POU2F1: variants seen among roughly 807,000 people sequenced by gnomAD.
POU2F1 encodes POU domain, class 2, transcription factor 1.
A neutral mutation model predicts 84.9 loss-of-function variants in POU2F1; 16 were observed. The ratio of observed to expected loss-of-function variants is 0.19; its 90% CI spans 0.13 to 0.29. POU2F1 has a LOEUF of 0.29. Ranked by LOEUF, POU2F1 falls within the 10% of genes least tolerant of loss-of-function variation. POU2F1 has a pLI of 1.00. For missense variants in POU2F1, 738 were observed against 942.6 expected (o/e 0.78, Z 2.84); for synonymous variants, 368 against 368.3 (o/e 1.00, Z 0.01).
chr1:167,237,764 ATATATATATTTTTTTTTTT>A (rs1351038580), intron 1 of POU2F1, among the ~76,000 whole-genome samples: 431 of 16,294 alleles, frequency 0.026, 4 homozygotes, highest in African/African-American at 0.063. Flanking sequence ...ATATATATAT[ATATATATATTTTTTTTTTT>A]TTTTTTTTTT....
intron 1 of POU2F1, among the ~76,000 whole-genome samples, chr1:167,224,918 T>C (rs1430815210): frequency 1.3e-5 from 2 of 148,400 alleles, no homozygotes; most frequent in Non-Finnish European, 3.0e-5. Flanking sequence ...AACCTCTGCC[T>C]CGTGGGTTCC....
chr1:167,386,307 G>T (rs929869431), intron 8 of POU2F1, among the ~76,000 whole-genome samples: 4 of 152,142 alleles, frequency 2.6e-5, no homozygotes, highest in Non-Finnish European at 4.4e-5. Context: ...CAATCCTCCC[G>T]CATCAGCCTC....
At position 167,262,697 on chromosome 1, in the gene POU2F1, G is replaced by C. The variant is rs76157487; in HGVS notation, c.61+41739G>C. Among the ~76,000 whole-genome samples, 579 of 152,268 alleles carry C rather than the reference G, an allele frequency of 3.8e-3. 3 individuals are homozygous for C. The highest frequency in any genetic ancestry group is 0.013 in the African/African-American group (557 of 41,548). ...TGGGGATGGATTTTGTACTTGAGGT[G>C]GGTTGAAGAAAGATGCTTAGAGTGG... On this transcript the variant is annotated intron_variant, in intron 1 of 15. Transcript: ENST00000367866.
chr1:167,303,692 T>C (rs1265490216), intron 1 of POU2F1: 3 of 152,178 alleles, frequency 2.0e-5, no homozygotes, highest in Admixed American at 6.5e-5. Context: ...CAAATATATA[T>C]TTTTCTATTT....
chr1:167,305,528 A>G lies in POU2F1; in HGVS notation c.62-26942A>G, dbSNP rs77642353. ...TGTGATATTTAAAATACCTCTTTTA[A>G]TAGCTCATATCATGTAACCGTTTAT... On this transcript the variant is annotated intron_variant, in intron 1 of 15. Coordinates refer to ENST00000367866, the MANE Select transcript of POU2F1 (RefSeq NM_002697.4). Among the ~76,000 whole-genome samples, 7 of 152,320 alleles carry G rather than the reference A, an allele frequency of 4.6e-5. No individual in the cohort carries two copies. In the East Asian group the frequency reaches 1.2e-3, roughly 25 times the overall value.
At position 167,227,542 on chromosome 1, in the gene POU2F1, G is replaced by A. The variant is rs969493890; in HGVS notation, c.61+6584G>A. ...GTGACTTAGGTGTTTTCTTGTTTTA[G>A]TACACTTATTTTAGTGGTCTGCTTA... On this transcript the variant is annotated intron_variant, in intron 1 of 15. Coordinates refer to ENST00000367866, the MANE Select transcript of POU2F1 (RefSeq NM_002697.4). Among the ~76,000 whole-genome samples the A allele has an allele frequency of 2.6e-5, 4 of 152,098 alleles. No homozygotes were observed. The South Asian group carries it at 8.3e-4, about 31-fold the overall frequency.
intron 13 of POU2F1, among the ~76,000 whole-genome samples, chr1:167,402,546 G>A (rs1649285853): frequency 6.6e-6 from 1 of 152,092 alleles, no homozygotes; most frequent in African/African-American, 2.4e-5. Context: ...ACCTTTTTAA[G>A]AATTTGAAAG....
At chr1:167,224,947 G>C (rs1192962595) in intron 1 of POU2F1, among the ~76,000 whole-genome samples, 1 of 150,830 alleles carries the variant, frequency 6.6e-6, no homozygotes, top group African/African-American at 2.4e-5. Context: ...TCCTGCCTCA[G>C]CCTCCTTAGT....
chr1:167,294,172 C>CAAAAAAA (rs60846607), intron 1 of POU2F1, among the ~76,000 whole-genome samples: 29 of 30,958 alleles, frequency 9.4e-4, no homozygotes, highest in Non-Finnish European at 9.9e-4. Context: ...TACTAAAATA[C>CAAAAAAA]AAAAAAAAAA....
At chr1:167,333,128 TA>T (rs1213002746) in intron 2 of POU2F1, among the ~76,000 whole-genome samples, 1 of 152,128 alleles carries the variant, frequency 6.6e-6, no homozygotes, top group Admixed American at 6.5e-5. Context: ...TTTGGTAATT[TA>T]AAAAAATTAT....
At chr1:167,318,676 A>G (rs1656093769) in intron 1 of POU2F1, among the ~76,000 whole-genome samples, 1 of 152,158 alleles carries the variant, frequency 6.6e-6, no homozygotes, top group Non-Finnish European at 1.5e-5. Context: ...ATTGATAGCG[A>G]GGGGGTAGGC....
At chr1:167,408,019 C>T (rs1649702898) in intron 13 of POU2F1, among the ~76,000 whole-genome samples, 1 of 152,196 alleles carries the variant, frequency 6.6e-6, no homozygotes. Flanking sequence ...ATAAACAACT[C>T]TTACAACTCA....
At chr1:167,390,411 A>G (rs1648315828) in intron 9 of POU2F1, among the ~76,000 whole-genome samples, 1 of 152,198 alleles carries the variant, frequency 6.6e-6, no homozygotes, top group Non-Finnish European at 1.5e-5. Flanking sequence ...TCAGTACTTC[A>G]TATGTAAGAT....
chr1:167,310,945 G>A (rs994935743), intron 1 of POU2F1, among the ~76,000 whole-genome samples: 5 of 152,116 alleles, frequency 3.3e-5, no homozygotes, highest in African/African-American at 1.2e-4. Context: ...TACCCAATCT[G>A]AACAAGAAAG....
At chr1:167,250,166 C>G (rs749997202) in intron 1 of POU2F1, among the ~76,000 whole-genome samples, 60 of 151,536 alleles carry the variant, frequency 4.0e-4, no homozygotes, top group Non-Finnish European at 7.7e-4. Context: ...ACAATCTGTT[C>G]TGGCATTTTC....
At chr1:167,370,395 A>C (rs3736846) in intron 4 of POU2F1, among the ~76,000 whole-genome samples, 181 bp downstream of exon 4, 112,837 of 152,104 alleles carry the variant, frequency 0.74, 42,021 homozygotes, top group East Asian at 0.87. Flanking sequence ...GTTTTATATT[A>C]TGCTACTGTG....
chr1:167,336,021 GA>G (rs1484524007), intron 2 of POU2F1, among the ~76,000 whole-genome samples: 2 of 151,926 alleles, frequency 1.3e-5, no homozygotes, highest in African/African-American at 4.8e-5. Flanking sequence ...GAGAAATATT[GA>G]AAAAAATTAA....
chr1:167,322,801 A>G (rs1656416057), intron 1 of POU2F1, among the ~76,000 whole-genome samples: 2 of 152,248 alleles, frequency 1.3e-5, no homozygotes, highest in Admixed American at 1.3e-4. Context: ...GATTTAGATT[A>G]AAACGGGAAA....
chr1:167,269,327 A>C (rs908148903), intron 1 of POU2F1, among the ~76,000 whole-genome samples: 1 of 152,232 alleles, frequency 6.6e-6, no homozygotes, highest in African/African-American at 2.4e-5. Flanking sequence ...GTATGGTTCT[A>C]GGTATTTGCC....
Sources: gnomAD v4.1 joint callset for allele counts (sites outside exome capture counted in the v4.1 genomes callset) on GRCh38, gnomAD v4.1.1 for gene constraint, MANE v1.5 for transcripts, NCBI Gene and HGNC (gene_info 2026-07-23, HGNC 2026-07-21) for gene names.